Variants in CCDC39 observed in about 807,000 individuals in gnomAD.
CCDC39 encodes coiled-coil domain 39 molecular ruler complex subunit, also known as coiled-coil domain-containing protein 39.
In CCDC39, 113 loss-of-function variants were observed where a neutral mutation model predicts 121.0. That is an observed-to-expected ratio of 0.93 (90% CI 0.80 to 1.09). The LOEUF (loss-of-function observed/expected upper bound fraction) is 1.09, where lower values mean the gene tolerates loss of function less well. Ranked by LOEUF, CCDC39 falls within the 50% of genes least tolerant of loss-of-function variation. CCDC39 has a pLI of 0.00. For missense variants in CCDC39, 1,063 were observed against 1,074.7 expected, an observed-to-expected ratio of 0.99 and a Z score of 0.15; for synonymous variants, 349 against 352.2, an observed-to-expected ratio of 0.99 and a Z score of 0.10.
At chr3:180,626,169 T>G (rs917691411) in intron 14 of CCDC39, among the ~76,000 whole-genome samples, 8 of 151,868 alleles carry the variant, frequency 5.3e-5, no homozygotes, top group Admixed American at 3.3e-4. Context: ...TGCATGGGAG[T>G]GGGTGTCAGC....
intron 8 of CCDC39, among the ~76,000 whole-genome samples, chr3:180,651,959 C>T (rs1323341872): frequency 1.3e-5 from 2 of 151,914 alleles, no homozygotes; most frequent in Non-Finnish European, 2.9e-5. Flanking sequence ...ATGGTGTGAA[C>T]CCAGGAGGCG....
In CCDC39 at chr3:180,652,285, A is replaced by G; in HGVS notation, c.931-19T>C. 8 of 1,341,712 alleles carry G rather than the reference A, an allele frequency of 6.0e-6. No individual in the cohort carries two copies. Among genetic ancestry groups the G allele is most frequent in the African/African-American group, 1.5e-5 (1 of 67,066 alleles). 83.1% of individuals were successfully genotyped at this position (1,341,712 alleles called of 1,614,324 possible). On this transcript the variant is annotated intron_variant, in intron 7 of 19. Coordinates refer to ENST00000476379, the MANE Select transcript of CCDC39 (RefSeq NM_181426.2). The stretch of plus-strand genomic sequence containing the variant: ...AATCCAGCTATTTATTAGTTAACAG[A>G]CAGAAATTATATATTTACTCTGTAT...
At position 180,679,082 on chromosome 3, in the gene CCDC39, A is replaced by G. The variant is rs1423813843; in HGVS notation, c.90+209T>C. Among the ~76,000 whole-genome samples the G allele has an allele frequency of 6.6e-6, 1 of 152,154 alleles. No homozygotes were observed. ...TCGAGCTTTATAACCCTAAATGTCA[A>G]TTATGGTTTTAATAGCATTTTTAAA... On this transcript the variant is annotated intron_variant, in intron 1 of 19. Coordinates refer to ENST00000476379, the MANE Select transcript of CCDC39 (RefSeq NM_181426.2). The surrounding 1 kb of genome is among the most constrained non-coding windows in gnomAD (Gnocchi z 4.0).
chr3:180,654,193 G>T (rs1208271563), intron 7 of CCDC39, among the ~76,000 whole-genome samples: 9 of 109,668 alleles, frequency 8.2e-5, no homozygotes, highest in Non-Finnish European at 1.2e-4. Flanking sequence ...TTCAATCAAT[G>T]ATGTTAAGAA....
intron 13 of CCDC39, among the ~76,000 whole-genome samples, chr3:180,637,205 A>T (rs1717850353): frequency 6.6e-6 from 1 of 152,182 alleles, no homozygotes; most frequent in South Asian, 2.1e-4. Context: ...AATATCCAAC[A>T]TCTATAAGGA....
At chr3:180,632,643 AC>A (rs1165718630) in intron 13 of CCDC39, among the ~76,000 whole-genome samples, 1 of 152,202 alleles carries the variant, frequency 6.6e-6, no homozygotes, top group East Asian at 1.9e-4. Context: ...ATTAAAAAAA[AC>A]AGCAACATAG....
chr3:180,642,258 A>C, intron 12 of CCDC39, 57 bp from the exon 13 acceptor site: 1 of 1,095,576 alleles, frequency 9.1e-7, no homozygotes, highest in Non-Finnish European at 1.3e-6. Flanking sequence ...CAAAACCAAA[A>C]TTTTTTTTAT....
chr3:180,630,465 A>G (rs1189517301), intron 14 of CCDC39, among the ~76,000 whole-genome samples: 3 of 152,146 alleles, frequency 2.0e-5, no homozygotes, highest in African/African-American at 7.2e-5. Flanking sequence ...AATTTGGCCA[A>G]TTAAGTTGGT....
Position 180,662,019 on chromosome 3 carries a change from CA to C in CCDC39, c.211-13del. On this transcript the variant is annotated splice_polypyrimidine_tract_variant and intron_variant, in intron 2 of 19. Coordinates refer to ENST00000476379, the MANE Select transcript of CCDC39 (RefSeq NM_181426.2). ...GCTTTGCAAAGAGACTACAGAATAA[CA>C]CACAAGATAAAAAGGCTTTTAAAAT... 9 of 1,532,758 alleles carry C rather than the reference CA, an allele frequency of 5.9e-6. No homozygotes were observed. Among genetic ancestry groups the C allele is most frequent in the Non-Finnish European group, 7.0e-6 (8 of 1,142,156 alleles). The allele number at this position is 1,532,758 out of a possible 1,614,324, so 94.9% of individuals were successfully genotyped here. A position where few individuals can be genotyped will look rare whatever the true frequency, so the allele number is the denominator to read the frequency against.
chr3:180,664,600 G>A (rs143046624), intron 1 of CCDC39, among the ~76,000 whole-genome samples: 3 of 152,096 alleles, frequency 2.0e-5, no homozygotes, highest in East Asian at 3.9e-4. Flanking sequence ...GATTTGCAGC[G>A]GTAGCAGATC....
At chr3:180,628,648 C>T (rs1289041051) in intron 14 of CCDC39, among the ~76,000 whole-genome samples, 1 of 152,122 alleles carries the variant, frequency 6.6e-6, no homozygotes, top group Non-Finnish European at 1.5e-5. Flanking sequence ...TTCAGTCTGT[C>T]GAAACTACTT....
chr3:180,633,988 C>T (rs1315432375), intron 13 of CCDC39, among the ~76,000 whole-genome samples: 1 of 152,166 alleles, frequency 6.6e-6, no homozygotes, highest in Non-Finnish European at 1.5e-5. Flanking sequence ...AGTTCTATCC[C>T]TGCTGCCCTT....
At chr3:180,639,627 G>A (rs1027828913) in intron 13 of CCDC39, among the ~76,000 whole-genome samples, 2 of 152,048 alleles carry the variant, frequency 1.3e-5, no homozygotes, top group Non-Finnish European at 2.9e-5. Flanking sequence ...GGACTTGTGG[G>A]GGGTGGAGTG....
chr3:180,634,004 G>T (rs1277437143), intron 13 of CCDC39, among the ~76,000 whole-genome samples: 1 of 151,988 alleles, frequency 6.6e-6, no homozygotes, highest in African/African-American at 2.4e-5. Context: ...CCCTTGATTT[G>T]GGGAAAAAAC....
intron 16 of CCDC39, chr3:180,617,427 G>T (rs748479663): frequency 1.5e-6 from 1 of 675,202 alleles, no homozygotes; most frequent in South Asian, 1.7e-5. Context: ...GCCTCAGGCA[G>T]GTCCTTCAGG....
chr3:180,618,141 TTG>T (rs1717318488), intron 16 of CCDC39, among the ~76,000 whole-genome samples: 1 of 152,186 alleles, frequency 6.6e-6, no homozygotes, highest in Non-Finnish European at 1.5e-5. Flanking sequence ...CCATCTAGGT[TTG>T]TGTAAGTACA....
At chr3:180,633,172 G>T (rs575682891) in intron 13 of CCDC39, among the ~76,000 whole-genome samples, 32 of 152,252 alleles carry the variant, frequency 2.1e-4, no homozygotes, top group South Asian at 6.2e-4. Flanking sequence ...TTAGAGGAGC[G>T]ATCTGTTGGA....
At chr3:180,676,720 A>T (rs567951653) in intron 1 of CCDC39, among the ~76,000 whole-genome samples, 9 of 152,326 alleles carry the variant, frequency 5.9e-5, no homozygotes, top group African/African-American at 1.9e-4. Context: ...TATTCACAAC[A>T]GCAAAGACTT....
intron 14 of CCDC39, among the ~76,000 whole-genome samples, chr3:180,625,673 C>T (rs980569771): frequency 4.6e-5 from 7 of 152,006 alleles, no homozygotes; most frequent in African/African-American, 1.7e-4. Context: ...TGAAGAAGTA[C>T]ATATGTAGTT....
Sources: allele counts gnomAD v4.1 joint callset (sites outside exome capture counted in the v4.1 genomes callset), GRCh38; gene constraint gnomAD v4.1.1; non-coding constraint Gnocchi (gnomAD v3.1); transcripts MANE v1.5; gene names NCBI Gene and HGNC (gene_info 2026-07-23, HGNC 2026-07-21).